Variants in PTPRM observed in about 807,000 individuals in gnomAD.
PTPRM encodes protein tyrosine phosphatase receptor type M, also known as receptor-type tyrosine-protein phosphatase mu.
In PTPRM, 47 loss-of-function variants were observed where a neutral mutation model predicts 186.7. The observed-to-expected ratio is 0.25, with a 90% CI of 0.20 to 0.32. PTPRM has a LOEUF of 0.32. Among genes scored for constraint, PTPRM ranks in the 10% least tolerant of loss-of-function variants. PTPRM has a pLI of 1.00. For synonymous variants in PTPRM, 668 were observed against 674.9 expected (o/e 0.99, Z 0.16); for missense variants, 1,494 against 1,865.0 (o/e 0.80, Z 3.66).
At chr18:8,186,449 C>G (rs2093643829) in intron 14 of PTPRM, among the ~76,000 whole-genome samples, 1 of 152,050 alleles carries the variant, frequency 6.6e-6, no homozygotes, top group Non-Finnish European at 1.5e-5. Flanking sequence ...CCATGTTAAC[C>G]AGGATATATT....
chr18:7,665,700 G>A (rs571795336), intron 1 of PTPRM, among the ~76,000 whole-genome samples: 3 of 152,110 alleles, frequency 2.0e-5, no homozygotes. Context: ...GCCGAGGGGG[G>A]TGGATCATGA....
At chr18:7,642,034 CTG>C (rs1005682355) in intron 1 of PTPRM, among the ~76,000 whole-genome samples, 8 of 152,314 alleles carry the variant, frequency 5.3e-5, no homozygotes, top group East Asian at 1.9e-4. Context: ...TTGAACCACT[CTG>C]TGTTCTACCT....
intron 1 of PTPRM, among the ~76,000 whole-genome samples, chr18:7,658,330 T>TTA (rs34009975): frequency 0.14 from 17,475 of 123,896 alleles, 1,161 homozygotes; most frequent in Non-Finnish European, 0.17. Flanking sequence ...TAAAGTAAAT[T>TTA]TATATATATA....
In PTPRM at chr18:8,252,476, T is replaced by A; in HGVS notation, c.2555-12T>A. On this transcript the variant is annotated splice_polypyrimidine_tract_variant and intron_variant, in intron 17 of 32. Coordinates refer to ENST00000580170, the MANE Select transcript of PTPRM (RefSeq NM_001105244.2). ...TCCTCCTTTTTTCTCCTGATATGTA[T>A]CTTCTTAAAAGTGCCAATAAATGGT... 6.5e-7 allele frequency: 1 copy of A among 1,539,606 alleles called. No individual in the cohort carries two copies. Among genetic ancestry groups the A allele is most frequent in the Non-Finnish European group, 9.0e-7 (1 of 1,112,194 alleles).
intron 2 of PTPRM, among the ~76,000 whole-genome samples, chr18:7,796,759 C>T (rs961010791): frequency 6.6e-6 from 1 of 152,176 alleles, no homozygotes; most frequent in African/African-American, 2.4e-5. Flanking sequence ...CAATGCTTTA[C>T]AATCTGAGGC....
chr18:7,950,494 G>A (rs1032701116), intron 6 of PTPRM, among the ~76,000 whole-genome samples: 8 of 152,286 alleles, frequency 5.3e-5, no homozygotes, highest in African/African-American at 1.7e-4. Context: ...AAAGATTGCT[G>A]GATTCAAATC....
At chr18:7,780,333 G>A (rs9958870) in intron 2 of PTPRM, among the ~76,000 whole-genome samples, 2,424 of 152,262 alleles carry the variant, frequency 0.016, 43 homozygotes, top group African/African-American at 0.049. Flanking sequence ...GGCATCCATG[G>A]CACAACGACA....
rs540804129 is a variant in PTPRM, at chr18:7,810,141, T to A, written c.196+35870T>A. On this transcript the variant is annotated intron_variant, in intron 2 of 32. Coordinates refer to ENST00000580170, the MANE Select transcript of PTPRM (RefSeq NM_001105244.2). ...GGGATCTGCAGTAGCCAAACACCCC[T>A]CGCACCTACCCGCTGCCTTTGTCAC... 1.1e-4 allele frequency among the ~76,000 whole-genome samples: 17 copies of A among 152,244 alleles called. No homozygotes were observed. The East Asian group carries it at 3.3e-3, about 30-fold the overall frequency.
At chr18:7,940,340 T>C (rs912166251) in intron 5 of PTPRM, among the ~76,000 whole-genome samples, 2 of 152,100 alleles carry the variant, frequency 1.3e-5, no homozygotes, top group African/African-American at 4.8e-5. Flanking sequence ...AGAGCAACTA[T>C]GGTAAGTAAG....
intron 1 of PTPRM, among the ~76,000 whole-genome samples, chr18:7,703,152 G>C (rs1272297232): frequency 6.6e-6 from 1 of 151,812 alleles, no homozygotes; most frequent in Non-Finnish European, 1.5e-5. Flanking sequence ...GATTGTCTTG[G>C]CTCTTTTTTG....
intron 7 of PTPRM, among the ~76,000 whole-genome samples, chr18:7,963,834 A>G (rs1264578727): frequency 1.3e-5 from 2 of 152,162 alleles, no homozygotes; most frequent in Non-Finnish European, 2.9e-5. Context: ...TGGGAAAAAC[A>G]TGATTGTTGT....
At chr18:7,575,904 T>A (rs1206018411) in intron 1 of PTPRM, among the ~76,000 whole-genome samples, 1 of 152,202 alleles carries the variant, frequency 6.6e-6, no homozygotes, top group Non-Finnish European at 1.5e-5. Flanking sequence ...AAACTTTATA[T>A]GAAATGCAAG....
intron 1 of PTPRM, among the ~76,000 whole-genome samples, chr18:7,571,512 A>G (rs565930004): frequency 3.0e-4 from 45 of 152,328 alleles, no homozygotes; most frequent in African/African-American, 1.1e-3. Context: ...TGAAGTGTTT[A>G]GTTCTACCTT....
intron 7 of PTPRM, among the ~76,000 whole-genome samples, chr18:7,982,211 T>C (rs1053196384): frequency 6.6e-6 from 1 of 152,188 alleles, no homozygotes. Context: ...TACAAACACA[T>C]TGTACAACTG....
chr18:7,664,100 CA>C, intron 1 of PTPRM, among the ~76,000 whole-genome samples: 1 of 152,344 alleles, frequency 6.6e-6, no homozygotes. Context: ...TCATACATGT[CA>C]GGGTTCTGCT....
intron 23 of PTPRM, among the ~76,000 whole-genome samples, chr18:8,345,088 G>T (rs1281167495): frequency 6.6e-6 from 1 of 152,168 alleles, no homozygotes; most frequent in Non-Finnish European, 1.5e-5. Context: ...GAATCATAAA[G>T]TATCATGATA....
intron 2 of PTPRM, among the ~76,000 whole-genome samples, chr18:7,870,967 G>A (rs964659545): frequency 5.3e-5 from 8 of 152,312 alleles, no homozygotes; most frequent in Non-Finnish European, 1.0e-4. Flanking sequence ...CAAAGTGGGA[G>A]TTCGCCTCCC....
At chr18:8,307,192 C>T (rs61356532) in intron 20 of PTPRM, among the ~76,000 whole-genome samples, 1,564 of 152,250 alleles carry the variant, frequency 0.01, 33 homozygotes, top group African/African-American at 0.036. Flanking sequence ...TTACATTCAC[C>T]GACTTAATGT....
At chr18:8,300,412 A>T (rs957964137) in intron 20 of PTPRM, among the ~76,000 whole-genome samples, 2 of 152,196 alleles carry the variant, frequency 1.3e-5, no homozygotes, top group African/African-American at 4.8e-5. Context: ...CCACATTAAA[A>T]GAACATTGAT....
Sources: allele counts gnomAD v4.1 joint callset (sites outside exome capture counted in the v4.1 genomes callset), GRCh38; gene constraint gnomAD v4.1.1; transcripts MANE v1.5; gene names NCBI Gene and HGNC (gene_info 2026-07-23, HGNC 2026-07-21).